The following GRIN2C variants were observed in gnomAD, a reference collection of about 807,000 sequenced individuals.
The protein encoded by GRIN2C is glutamate receptor ionotropic, NMDA 2C.
In GRIN2C, 64 loss-of-function variants were observed where a neutral mutation model predicts 77.7. The ratio of observed to expected loss-of-function variants is 0.82; its 90% CI spans 0.67 to 1.01. The LOEUF is 1.01. GRIN2C is among the 50% of genes least tolerant of loss of function. The pLI, the probability that GRIN2C is intolerant of heterozygous loss-of-function variation, is 0.00. For missense variants in GRIN2C, 1,549 were observed against 1,486.0 expected (o/e 1.04, Z -0.70); for synonymous variants, 792 against 643.4 (o/e 1.23, Z -3.49).
At chr17:74,851,765 C>A in intron 3 of GRIN2C, 74 bp from the exon 4 acceptor site, 1 of 907,040 alleles carries the variant, frequency 1.1e-6, no homozygotes, top group South Asian at 1.4e-5. Context: ...CCGCCGCCAC[C>A]GACAGCAGGT....
At chr17:74,844,683 G>A (rs115824159) in intron 11 of GRIN2C, among the ~76,000 whole-genome samples, 175 bp from the exon 12 acceptor site, 230 of 152,302 alleles carry the variant, frequency 1.5e-3, no homozygotes, top group African/African-American at 5.2e-3. Context: ...GTGGGGCGGG[G>A]AGTGGAGGGT....
intron 3 of GRIN2C, 124 bp from the exon 4 acceptor site, chr17:74,851,815 T>C (rs117840019): frequency 0.019 from 13,352 of 718,830 alleles, 142 homozygotes; most frequent in Non-Finnish European, 0.024. Context: ...CTTCCCTATA[T>C]TGGCCCCACG....
Position 74,850,480 on chromosome 17 carries a change from C to T in GRIN2C, c.1325+76G>A. ...CGTGGACCCCTGCCCCACACCCAAG[C>T]ATGGGACATACACGACACCTGACCA... is the stretch of plus-strand genomic sequence containing the variant. On this transcript the variant is annotated intron_variant, in intron 5 of 12. Transcript: ENST00000293190. The surrounding 1 kb of genome is among the most constrained non-coding windows in gnomAD (Gnocchi z 5.3). 2 of 1,570,174 alleles carry T rather than the reference C, an allele frequency of 1.3e-6. No homozygotes were observed. The highest frequency in any genetic ancestry group is 1.7e-6 in the Non-Finnish European group (2 of 1,145,164).
chr17:74,844,255 T>TG (rs2037388941), intron 12 of GRIN2C, 21 bp downstream of exon 12: 2 of 1,612,294 alleles, frequency 1.2e-6, no homozygotes, highest in Non-Finnish European at 1.7e-6. Context: ...TTGGCCTGTG[T>TG]GGGGAGGGGT....
chr17:74,852,532 T>G lies in GRIN2C; in HGVS notation c.479A>C (p.Tyr160Ser). ...GATGACGGCGAAGGCGCTCCAGTCG[T>G]ACTCTTCCAGCACCTTGAACAGCAC... Reference protein sequence around the residue: ...LQVLFKVLEEYDWSAFAVITS... With the variant: ...LQVLFKVLEESDWSAFAVITS... The change falls in exon 3 of 13, where the codon TAC becomes TCC. Residue 160 changes from tyrosine (Y) to serine (S), a missense_variant. Physicochemically the swap from Tyr to Ser is moderately radical, Grantham distance 144. Transcript: ENST00000293190. 2 of 1,567,098 alleles carry G rather than the reference T, an allele frequency of 1.3e-6. No homozygotes were observed. Among genetic ancestry groups the G allele is most frequent in the Non-Finnish European group, 1.7e-6 (2 of 1,164,174 alleles).
At chr17:74,853,566 A>C (rs531498722) in intron 2 of GRIN2C, 1 of 152,304 alleles carries the variant, frequency 6.6e-6, no homozygotes, top group African/African-American at 2.4e-5. Context: ...TACGTTCTTA[A>C]GCCCTTATCT....
At chr17:74,851,554 C>T (rs1381154795) in intron 4 of GRIN2C, 23 bp downstream of exon 4, 2 of 1,411,542 alleles carry the variant, frequency 1.4e-6, no homozygotes, top group South Asian at 1.2e-5. Context: ...CACTGAGGGC[C>T]CCTGGGCTCA....
At chr17:74,843,943 G>C (rs746277122) in intron 12 of GRIN2C, 1 of 477,082 alleles carries the variant, frequency 2.1e-6, no homozygotes. Context: ...GTGCCATCTC[G>C]GCTCACTGCA....
intron 12 of GRIN2C, 27 bp downstream of exon 12, chr17:74,844,249 C>A: frequency 1.2e-6 from 2 of 1,611,456 alleles, no homozygotes; most frequent in Non-Finnish European, 1.7e-6. Context: ...AAAACTTTGG[C>A]CTGTGTGGGG....
Position 74,850,520 on chromosome 17 carries a change from C to T in GRIN2C, c.1325+36G>A, listed in dbSNP as rs201978610. On this transcript the variant is annotated intron_variant, in intron 5 of 12. Transcript: ENST00000293190. The surrounding 1 kb of genome is among the most constrained non-coding windows in gnomAD (Gnocchi z 5.3). ...ACACCTGACCATCACACGGCAGCAC[C>T]CAGCTCACACTAGCCTCCCAGGGCC... 32 of 1,600,154 alleles carry T rather than the reference C, an allele frequency of 2.0e-5. No individual in the cohort carries two copies. In the East Asian group the frequency reaches 6.7e-4, roughly 33 times the overall value.
chr17:74,852,375 C>A lies in GRIN2C; in HGVS notation c.636G>T (p.Thr212=). ...CGTCGAGCTGGCGCAGCAGGCGCTG[C>A]GTGCGCGCGCGCGGCCCTCCCGGGC... is the stretch of plus-strand genomic sequence containing the variant. ...ELGPGGPRAR[T]QRLLRQLDAP... is the part of the protein sequence containing the mutation. The change falls in exon 3 of 13, where the codon ACG becomes ACT. Residue 212 remains threonine (T), a synonymous_variant. Coordinates refer to ENST00000293190, the MANE Select transcript of GRIN2C (RefSeq NM_000835.6). 2 of 1,440,136 alleles carry A rather than the reference C, an allele frequency of 1.4e-6. No homozygotes were observed. The highest frequency in any genetic ancestry group is 9.0e-7 in the Non-Finnish European group (1 of 1,105,018). The allele number at this position is 1,440,136 out of a possible 1,614,324, so 89.2% of individuals were successfully genotyped here.
rs778253291 is a variant in GRIN2C, at chr17:74,854,878, G to A, written c.215C>T (p.Thr72Ile). The change falls in exon 2 of 13, where the codon ACC (threonine) becomes ATC (isoleucine). Residue 72 changes from threonine (T) to isoleucine (I), a missense_variant. Around this residue, in one of 3 missense-constraint regions of GRIN2C, gnomAD observed 382 missense variants for 360.0 expected, o/e 1.06. Transcript: ENST00000293190. ...IQPLTVGVNTTNPSSLLTQIC... is the reference protein window; with the variant it reads ...IQPLTVGVNTINPSSLLTQIC... ...CTGGGTGAGGAGGCTGCTGGGGTTGGTGGTGTTGACCCCAACTGTGAGCGG... is the reference window on the plus strand; with the variant it reads ...CTGGGTGAGGAGGCTGCTGGGGTTGATGGTGTTGACCCCAACTGTGAGCGG... 3 of 1,612,914 alleles carry A rather than the reference G, an allele frequency of 1.9e-6. No homozygotes were observed. Among genetic ancestry groups the A allele is most frequent in the African/African-American group, 2.7e-5 (2 of 74,926 alleles).
chr17:74,848,681 C>T (rs1205316519), intron 7 of GRIN2C, among the ~76,000 whole-genome samples: 1 of 150,900 alleles, frequency 6.6e-6, no homozygotes, highest in Non-Finnish European at 1.5e-5. Context: ...GCCTGGATGA[C>T]AGAGCAAGAC....
rs1480867409 is a variant in GRIN2C at position 74,851,651 on chromosome 17, A to G, written c.1039T>C (p.Phe347Leu). 6.3e-7 allele frequency: 1 copy of G among 1,575,146 alleles called. No homozygotes were observed. The highest frequency in any genetic ancestry group is 2.3e-5 in the East Asian group (1 of 42,958). Residue 347 changes from phenylalanine to leucine, a missense_variant, in exon 4 of 13, where the codon TTC (phenylalanine) becomes CTC (leucine). Phe to Leu is a conservative substitution (Grantham distance 22, BLOSUM62 0). This residue lies in a region of GRIN2C where 717 missense variants were observed against 858.1 expected (regional missense o/e 0.84). Transcript: ENST00000293190. ...TGGACCAGGTACCCACCAGGGCTGAAGGAGAAGTCTCGGCCCTCCCAGGTG... is the reference window on the plus strand; with the variant it reads ...TGGACCAGGTACCCACCAGGGCTGAGGGAGAAGTCTCGGCCCTCCCAGGTG... ...NVTWEGRDFSFSPGGYLVQPT... is the reference protein window; with the variant it reads ...NVTWEGRDFSLSPGGYLVQPT...
intron 2 of GRIN2C, 187 bp from the exon 3 acceptor site, chr17:74,852,798 C>T (rs1372709783): frequency 4.6e-6 from 2 of 435,138 alleles, no homozygotes; most frequent in Non-Finnish European, 8.0e-6. Flanking sequence ...GTAGCATGGT[C>T]ATGCCCGGCC....
Position 74,851,566 on chromosome 17 carries a change from C to G in GRIN2C, c.1113+11G>C. 1 of 1,512,986 alleles carries G rather than the reference C, an allele frequency of 6.6e-7. No individual in the cohort carries two copies. Among genetic ancestry groups the G allele is most frequent in the African/African-American group, 1.4e-5 (1 of 72,504 alleles). The allele number at this position is 1,512,986 out of a possible 1,614,324, so 93.7% of individuals were successfully genotyped here. A position where few individuals can be genotyped will look rare whatever the true frequency, so the allele number is the denominator to read the frequency against. On this transcript the variant is annotated intron_variant, in intron 4 of 12. Transcript: ENST00000293190. ...GGACACTGAGGGCCCCTGGGCTCAC[C>G]CCCTTCTCACCATCTCCCAGAGGCG...
upstream of GRIN2C, chr17:74,859,969 GCCC>G (rs960109800): frequency 6.6e-6 from 1 of 152,590 alleles, no homozygotes; most frequent in African/African-American, 2.4e-5. This position sits in a 1 kb window ranked among gnomAD's most constrained non-coding sequence, Gnocchi z 5.9. Flanking sequence ...CGCACCCGGC[GCCC>G]CCCGCCCCAC....
In GRIN2C at chr17:74,847,269, A is replaced by AG; in HGVS notation, c.2001+38dup. 9.2e-6 allele frequency: 5 copies of AG among 541,810 alleles called. No individual in the cohort carries two copies. Among genetic ancestry groups the AG allele is most frequent in the South Asian group, 3.3e-5 (2 of 60,542 alleles). The allele number at this position is 541,810 out of a possible 1,614,324, so 33.6% of individuals were successfully genotyped here. A position where few individuals can be genotyped will look rare whatever the true frequency, so the allele number is the denominator to read the frequency against. ...CCACTCACGGCCTGTCCCCACCCTCAGTGCCCCCCCCCACCCCCAGCAGCT... is the reference window on the plus strand; with the variant it reads ...CCACTCACGGCCTGTCCCCACCCTCAGGTGCCCCCCCCCACCCCCAGCAGCT... On this transcript the variant is annotated intron_variant, in intron 9 of 12. Transcript: ENST00000293190. This position sits in a 1 kb window ranked among gnomAD's most constrained non-coding sequence, Gnocchi z 5.2.
intron 2 of GRIN2C, chr17:74,853,280 A>G (rs1423326272): frequency 6.6e-6 from 1 of 152,206 alleles, no homozygotes; most frequent in Non-Finnish European, 1.5e-5. Flanking sequence ...AAAGCAAATA[A>G]GGGAAAATTC....
Sources: gnomAD v4.1 joint callset for allele counts (sites outside exome capture counted in the v4.1 genomes callset) on GRCh38, gnomAD v4.1.1 for gene constraint, gnomAD v4.1.1 regional missense constraint, Gnocchi (gnomAD v3.1) non-coding constraint, MANE v1.5 for transcripts, NCBI Gene and HGNC (gene_info 2026-07-23, HGNC 2026-07-21) for gene names.